Variants in CSGALNACT1 observed in about 807,000 individuals in gnomAD.
The protein encoded by CSGALNACT1 is beta4GalNAcT-1.
In CSGALNACT1, 52 loss-of-function variants were observed where a neutral mutation model predicts 51.0. That is an observed-to-expected ratio of 1.02 (90% CI 0.82 to 1.29). The LOEUF (loss-of-function observed/expected upper bound fraction) is 1.29, where lower values mean the gene tolerates loss of function less well. CSGALNACT1 is among the 50% of genes most tolerant of loss of function. The probability of loss-of-function intolerance (pLI) is 0.00; values close to 1 mark genes in which losing one functional copy is unlikely to be tolerated. For missense variants in CSGALNACT1, 935 were observed against 679.2 expected, an observed-to-expected ratio of 1.38 and a Z score of -4.19; for synonymous variants, 341 against 254.4, an observed-to-expected ratio of 1.34 and a Z score of -3.24.
chr8:19,424,645 G>A (rs976284045), intron 6 of CSGALNACT1, among the ~76,000 whole-genome samples: 9 of 152,196 alleles, frequency 5.9e-5, no homozygotes, highest in African/African-American at 2.2e-4. Flanking sequence ...GCTTCTTCAA[G>A]TAGTCAGGCC....
rs1041387601 is a variant in CSGALNACT1, at chr8:19,477,961, T to A, written c.635-19319A>T. On this transcript the variant is annotated intron_variant, in intron 4 of 9. Transcript: ENST00000454498. ...GTCAAATATATTTCATGATGTTTGA[T>A]GAAGAGTAACACAGTTTCCAGGGAC... Among the ~76,000 whole-genome samples the A allele has an allele frequency of 2.6e-5, 4 of 152,282 alleles. No individual in the cohort carries two copies. In the South Asian group the frequency reaches 8.3e-4, roughly 32 times the overall value.
At chr8:19,633,218 ATCTT>A in intron 1 of CSGALNACT1, among the ~76,000 whole-genome samples, 1 of 152,048 alleles carries the variant, frequency 6.6e-6, no homozygotes, top group Non-Finnish European at 1.5e-5. Context: ...TCGTCGGTGA[ATCTT>A]TATCATTGAG....
intron 4 of CSGALNACT1, among the ~76,000 whole-genome samples, chr8:19,483,946 T>C (rs2072176744): frequency 1.3e-5 from 2 of 152,144 alleles, no homozygotes; most frequent in South Asian, 4.1e-4. Flanking sequence ...AGCAGTCAAT[T>C]GAGGTCCAAA....
intron 4 of CSGALNACT1, among the ~76,000 whole-genome samples, chr8:19,473,698 T>C (rs887153998): frequency 2.6e-5 from 4 of 152,330 alleles, no homozygotes; most frequent in Admixed American, 6.5e-5. Context: ...TTAGAAGCAT[T>C]GGTTTTGTTG....
At chr8:19,586,051 T>C (rs1274807432) in intron 3 of CSGALNACT1, among the ~76,000 whole-genome samples, 1 of 152,092 alleles carries the variant, frequency 6.6e-6, no homozygotes, top group Non-Finnish European at 1.5e-5. Context: ...CTAGGAAACA[T>C]GCTTAACATC....
intron 1 of CSGALNACT1, among the ~76,000 whole-genome samples, chr8:19,731,433 G>A (rs144177030): frequency 1.1e-3 from 169 of 152,174 alleles, no homozygotes; most frequent in African/African-American, 3.7e-3. Flanking sequence ...CCTGGAACCC[G>A]GGAGGTGGAG....
chr8:19,717,492 C>T (rs2062874429), intron 1 of CSGALNACT1, among the ~76,000 whole-genome samples: 1 of 152,192 alleles, frequency 6.6e-6, no homozygotes, highest in South Asian at 2.1e-4. Context: ...TCCACATGTT[C>T]AGCTATACAG....
At chr8:19,710,703 T>G (rs2062454194) in intron 1 of CSGALNACT1, among the ~76,000 whole-genome samples, 1 of 152,210 alleles carries the variant, frequency 6.6e-6, no homozygotes, top group South Asian at 2.1e-4. Flanking sequence ...TTAACACTTC[T>G]TGCATAATGT....
chr8:19,421,557 C>G (rs2057939180), intron 6 of CSGALNACT1, among the ~76,000 whole-genome samples: 2 of 152,214 alleles, frequency 1.3e-5, no homozygotes, highest in African/African-American at 4.8e-5. Context: ...CCCGTCCTAC[C>G]AGCTACCTGG....
intron 2 of CSGALNACT1, among the ~76,000 whole-genome samples, chr8:19,594,209 A>T (rs1054122765): frequency 1.3e-5 from 2 of 152,220 alleles, no homozygotes; most frequent in Admixed American, 6.5e-5. Context: ...TATTTAAGGC[A>T]CGGAAAAGGA....
At chr8:19,669,453 G>C (rs566727978) in intron 1 of CSGALNACT1, among the ~76,000 whole-genome samples, 2 of 152,164 alleles carry the variant, frequency 1.3e-5, no homozygotes, top group African/African-American at 4.8e-5. Context: ...GTTGTTGTTT[G>C]TTTGGTTTTT....
chr8:19,433,271 C>G (rs997621220), intron 6 of CSGALNACT1, among the ~76,000 whole-genome samples: 7 of 152,146 alleles, frequency 4.6e-5, no homozygotes, highest in African/African-American at 1.7e-4. Context: ...CTCAGCCAGG[C>G]AATCAATGCC....
intron 1 of CSGALNACT1, among the ~76,000 whole-genome samples, chr8:19,631,365 G>T (rs781713272): frequency 6.6e-6 from 1 of 152,160 alleles, no homozygotes; most frequent in Non-Finnish European, 1.5e-5. Flanking sequence ...CTGGTGCTGT[G>T]TTTTAGATTC....
At chr8:19,727,570 C>T (rs557297003) in intron 1 of CSGALNACT1, among the ~76,000 whole-genome samples, 36 of 152,286 alleles carry the variant, frequency 2.4e-4, no homozygotes, top group Non-Finnish European at 1.5e-5. Flanking sequence ...AGGCTGGTCT[C>T]GAACTCCTGG....
intron 5 of CSGALNACT1, among the ~76,000 whole-genome samples, chr8:19,450,458 T>G (rs1392244512): frequency 1.3e-5 from 2 of 151,902 alleles, no homozygotes; most frequent in Non-Finnish European, 2.9e-5. Flanking sequence ...AGGTAGAGAC[T>G]GCAGAGACCC....
At chr8:19,559,061 A>G (rs2040122194) in intron 3 of CSGALNACT1, among the ~76,000 whole-genome samples, 1 of 152,168 alleles carries the variant, frequency 6.6e-6, no homozygotes, top group Non-Finnish European at 1.5e-5. Context: ...AAAAAGCTTA[A>G]TTTTTATTCC....
rs543582465 is a variant in CSGALNACT1 at position 19,510,671 on chromosome 8, C to T, written c.-296-4541G>A. ...TAAAGTGTTAATGTCATGTTCCCAC[C>T]GACCAAACGTATGGGTGAGGAGTGG... On this transcript the variant is annotated intron_variant, in intron 3 of 9. Transcript: ENST00000454498. Among the ~76,000 whole-genome samples the T allele has an allele frequency of 2.0e-4, 30 of 152,234 alleles. 1 individual carries two copies. In the South Asian group the frequency reaches 3.1e-3, roughly 16 times the overall value.
At chr8:19,682,297 C>T (rs1248297246) in intron 1 of CSGALNACT1, among the ~76,000 whole-genome samples, 1 of 152,104 alleles carries the variant, frequency 6.6e-6, no homozygotes, top group African/African-American at 2.4e-5. Context: ...CTTTGGGCCG[C>T]TAGGCAATGT....
At chr8:19,613,230 C>T (rs1247175207) in intron 1 of CSGALNACT1, among the ~76,000 whole-genome samples, 2 of 152,078 alleles carry the variant, frequency 1.3e-5, no homozygotes, top group East Asian at 1.9e-4. Context: ...ATACTCTCAC[C>T]TATTTTCAAA....
Sources: gnomAD v4.1 joint callset for allele counts (sites outside exome capture counted in the v4.1 genomes callset) on GRCh38, gnomAD v4.1.1 for gene constraint, MANE v1.5 for transcripts, NCBI Gene and HGNC (gene_info 2026-07-23, HGNC 2026-07-21) for gene names.